Variants in EFCAB7 observed in about 807,000 individuals in gnomAD.
EFCAB7 encodes the protein EF-hand calcium-binding domain-containing protein 7.
EFCAB7 carries 66 observed loss-of-function variants against 77.1 expected under a neutral mutation model. That is an observed-to-expected ratio of 0.86 (90% CI 0.70 to 1.05). EFCAB7 has a LOEUF of 1.05. Ranked by LOEUF, EFCAB7 falls within the 50% of genes least tolerant of loss-of-function variation. The probability of loss-of-function intolerance (pLI) is 0.00; values close to 1 mark genes in which losing one functional copy is unlikely to be tolerated. For synonymous variants in EFCAB7, 225 were observed against 243.3 expected, an observed-to-expected ratio of 0.92 and a Z score of 0.70; for missense variants, 638 against 730.5, an observed-to-expected ratio of 0.87 and a Z score of 1.46.
At chr1:63,584,765 C>T in the EFCAB7 span, among the ~76,000 whole-genome samples, 1 of 152,168 alleles carries the variant, frequency 6.6e-6, no homozygotes, top group Non-Finnish European at 1.5e-5. Flanking sequence ...ATTTTCCTTT[C>T]TCTAGCTAAC....
At chr1:63,575,756 A>G (rs966102569), downstream of EFCAB7, among the ~76,000 whole-genome samples, 2 of 147,590 alleles carry the variant, frequency 1.4e-5, no homozygotes, top group South Asian at 2.1e-4. Flanking sequence ...GCTCGTTTTC[A>G]TATTTTTTTT....
chr1:63,532,798 G>A (rs776260524), intron 4 of EFCAB7, 42 bp downstream of exon 4: 2 of 1,503,222 alleles, frequency 1.3e-6, no homozygotes, highest in East Asian at 2.3e-5. Flanking sequence ...TACTGTGTTG[G>A]AAAAGTGTTT....
At chr1:63,549,534 G>C (rs796912651) in intron 7 of EFCAB7, 1 of 454,830 alleles carries the variant, frequency 2.2e-6, no homozygotes, top group Non-Finnish European at 4.5e-6. Flanking sequence ...TTTATTTAAA[G>C]TGTTATTTCT....
intron 13 of EFCAB7, among the ~76,000 whole-genome samples, chr1:63,571,412 G>A (rs895375353): frequency 4.6e-5 from 7 of 151,990 alleles, no homozygotes; most frequent in Admixed American, 2.6e-4. Flanking sequence ...GGTGGCTCAC[G>A]CCTGTAATCC....
intron 10 of EFCAB7, among the ~76,000 whole-genome samples, chr1:63,559,710 G>T (rs901475601): frequency 6.6e-6 from 1 of 152,030 alleles, no homozygotes; most frequent in African/African-American, 2.4e-5. Flanking sequence ...CTCTTGTCTT[G>T]TACAGTTCTA....
intron 9 of EFCAB7, among the ~76,000 whole-genome samples, chr1:63,556,526 G>GT (rs1647032299): frequency 1.3e-5 from 2 of 152,080 alleles, no homozygotes; most frequent in South Asian, 4.1e-4. Flanking sequence ...GAAGAAGAAA[G>GT]TAGATTGGAG....
In EFCAB7 at chr1:63,557,216, A is replaced by T. The variant is rs1647042696; in HGVS notation, c.1317A>T (p.Lys439Asn). ...NFFELRTSGEKCDEDAWAVCR... is the reference protein window; with the variant it reads ...NFFELRTSGENCDEDAWAVCR... The stretch of plus-strand genomic sequence containing the variant: ...TTGAATTGAGAACAAGTGGTGAGAA[A>T]TGTGATGAAGATGCTTGGGCTGTCT... Residue 439 changes from lysine to asparagine, a missense_variant, in exon 10 of 14, where the codon AAA becomes AAT. Lys to Asn is a moderately conservative substitution (Grantham distance 94). Coordinates refer to ENST00000371088, the MANE Select transcript of EFCAB7 (RefSeq NM_032437.4). The T allele has an allele frequency of 6.2e-7, 1 of 1,609,726 alleles. No individual in the cohort carries two copies. Among genetic ancestry groups the T allele is most frequent in the African/African-American group, 1.3e-5 (1 of 74,538 alleles).
chr1:63,579,979 A>T, the EFCAB7 span, among the ~76,000 whole-genome samples: 1 of 152,126 alleles, frequency 6.6e-6, no homozygotes, highest in Non-Finnish European at 1.5e-5. Context: ...CTTTTATTGG[A>T]TATGTTATTT....
At chr1:63,559,934 G>A (rs1157140126) in intron 10 of EFCAB7, among the ~76,000 whole-genome samples, 2 of 150,382 alleles carry the variant, frequency 1.3e-5, no homozygotes, top group Non-Finnish European at 2.9e-5. Context: ...TGGCTTTATA[G>A]TAAGTCTTGG....
intron 7 of EFCAB7, 134 bp from the exon 8 acceptor site, chr1:63,551,591 G>GA (rs35587501): frequency 0.024 from 8,239 of 336,720 alleles, no homozygotes; most frequent in Non-Finnish European, 0.029. Flanking sequence ...ACTCCGTCTT[G>GA]AAAAAAAAAA....
intron 11 of EFCAB7, among the ~76,000 whole-genome samples, chr1:63,565,464 T>C (rs986345680): frequency 6.6e-6 from 1 of 152,016 alleles, no homozygotes; most frequent in Non-Finnish European, 1.5e-5. Context: ...CCATTCAAGA[T>C]ATAGGCATGG....
At chr1:63,558,091 T>G (rs1647052610) in intron 10 of EFCAB7, among the ~76,000 whole-genome samples, 1 of 152,198 alleles carries the variant, frequency 6.6e-6, no homozygotes, top group African/African-American at 2.4e-5. Context: ...AGCTGAAAGT[T>G]AATATAATCA....
At chr1:63,544,921 CT>C (rs34798915) in intron 6 of EFCAB7, among the ~76,000 whole-genome samples, 144 of 138,204 alleles carry the variant, frequency 1.0e-3, no homozygotes, top group Non-Finnish European at 1.1e-3. Flanking sequence ...TCTTTTCTTT[CT>C]TTTTTTTTTT....
At chr1:63,546,394 T>C (rs2100896298) in intron 7 of EFCAB7, among the ~76,000 whole-genome samples, 1 of 152,116 alleles carries the variant, frequency 6.6e-6, no homozygotes, top group Non-Finnish European at 1.5e-5. Flanking sequence ...AGACGGAGTC[T>C]CCCTCTGTTG....
chr1:63,526,338 G>C (rs1276064583), intron 2 of EFCAB7, among the ~76,000 whole-genome samples: 1 of 151,934 alleles, frequency 6.6e-6, no homozygotes, highest in Non-Finnish European at 1.5e-5. Flanking sequence ...CAAATGATTT[G>C]GACATCTTTA....
At chr1:63,557,002 C>A in intron 9 of EFCAB7, 112 bp from the exon 10 acceptor site, 1 of 830,154 alleles carries the variant, frequency 1.2e-6, no homozygotes. Flanking sequence ...CACGCCACTG[C>A]ACTCCAGCCT....
At chr1:63,558,137 C>A (rs1647052898) in intron 10 of EFCAB7, among the ~76,000 whole-genome samples, 1 of 152,056 alleles carries the variant, frequency 6.6e-6, no homozygotes, top group South Asian at 2.1e-4. Flanking sequence ...TAATATTAAA[C>A]TGTGATTAAT....
intron 2 of EFCAB7, among the ~76,000 whole-genome samples, chr1:63,530,808 C>T (rs1054977445): frequency 5.3e-5 from 8 of 152,064 alleles, no homozygotes; most frequent in Admixed American, 2.0e-4. Flanking sequence ...TTTTAGATAT[C>T]GTGCCTTATT....
chr1:63,566,900 A>T (rs1647179012), intron 11 of EFCAB7, among the ~76,000 whole-genome samples: 2 of 149,638 alleles, frequency 1.3e-5, no homozygotes, highest in Admixed American at 6.7e-5. Context: ...TTTATTTTAT[A>T]TTATTAAAAT....
Sources: allele counts gnomAD v4.1 joint callset (sites outside exome capture counted in the v4.1 genomes callset), GRCh38; gene constraint gnomAD v4.1.1; transcripts MANE v1.5; gene names NCBI Gene and HGNC (gene_info 2026-07-23, HGNC 2026-07-21).